Variants in PCDHGB3 observed in about 807,000 individuals in gnomAD.
The protein encoded by PCDHGB3 is protocadherin gamma-B3.
PCDHGB3 carries 40 observed loss-of-function variants against 59.2 expected under a neutral mutation model. The ratio of observed to expected loss-of-function variants is 0.68; its 90% CI spans 0.52 to 0.88. The LOEUF (loss-of-function observed/expected upper bound fraction) is 0.88, where lower values mean the gene tolerates loss of function less well. PCDHGB3 is among the 40% of genes least tolerant of loss of function. PCDHGB3 has a pLI of 0.00. For synonymous variants in PCDHGB3, 581 were observed against 503.6 expected (o/e 1.15, Z -2.06); for missense variants, 1,309 against 1,187.9 (o/e 1.10, Z -1.50).
chr5:141,400,281 C>G, intron 1 of PCDHGB3: 5 of 1,614,016 alleles, frequency 3.1e-6, no homozygotes, highest in Non-Finnish European at 4.2e-6. Context: ...CCAGCCCTGC[C>G]GCCTGGAGCT....
chr5:141,423,562 A>C (rs374427537), intron 1 of PCDHGB3: 1 of 1,613,612 alleles, frequency 6.2e-7, no homozygotes, highest in African/African-American at 1.3e-5. Context: ...CTATGGGGAC[A>C]CGCTCATCAG....
In PCDHGB3 at chr5:141,490,701, C is replaced by T; in HGVS notation, c.2416-4106C>T. On this transcript the variant is annotated intron_variant, in intron 1 of 3. Transcript: ENST00000576222. This position sits in a 1 kb window ranked among gnomAD's most constrained non-coding sequence, Gnocchi z 5.4. Reference sequence around the variant, plus strand: ...CAGATCCAGACACTGGGGATAATGCCCGCCTCACCTACTCCATTGTAGGAA... The same window carrying T: ...CAGATCCAGACACTGGGGATAATGCTCGCCTCACCTACTCCATTGTAGGAA... The T allele has an allele frequency of 6.2e-7, 1 of 1,614,184 alleles. No individual in the cohort carries two copies. The highest frequency in any genetic ancestry group is 8.5e-7 in the Non-Finnish European group (1 of 1,180,008).
Position 141,491,543 on chromosome 5 carries a change from A to G in PCDHGB3, c.2416-3264A>G. 6.2e-7 allele frequency: 1 copy of G among 1,613,842 alleles called. No individual in the cohort carries two copies. The highest frequency in any genetic ancestry group is 8.5e-7 in the Non-Finnish European group (1 of 1,179,982). ...ATGGAGGTGACGCTGCGGCCCACAG[A>G]CTCGCAGAGCCACTGCTACAGGACG... On this transcript the variant is annotated intron_variant, in intron 1 of 3. Coordinates refer to ENST00000576222, the MANE Select transcript of PCDHGB3 (RefSeq NM_018924.5). The surrounding 1 kb of genome is among the most constrained non-coding windows in gnomAD (Gnocchi z 6.9).
chr5:141,433,587 G>A (rs1228017153), intron 1 of PCDHGB3, among the ~76,000 whole-genome samples: 1 of 152,068 alleles, frequency 6.6e-6, no homozygotes, highest in African/African-American at 2.4e-5. Flanking sequence ...TGTAATCCCA[G>A]TACTTTGGGA....
At chr5:141,471,571 A>G (rs1417147609) in intron 1 of PCDHGB3, 1 of 152,224 alleles carries the variant, frequency 6.6e-6, no homozygotes, top group African/African-American at 2.4e-5. Context: ...GGGTAGCAGT[A>G]GATAGGGTAA....
intron 1 of PCDHGB3, among the ~76,000 whole-genome samples, chr5:141,446,536 GC>G (rs1043723006): frequency 2.0e-5 from 3 of 152,012 alleles, no homozygotes; most frequent in African/African-American, 7.2e-5. Context: ...GAGTGCAGTG[GC>G]CCTATCTCTG....
intron 1 of PCDHGB3, chr5:141,404,552 G>A: frequency 6.2e-7 from 1 of 1,613,826 alleles, no homozygotes; most frequent in Non-Finnish European, 8.5e-7. Context: ...GCAGGTGACG[G>A]CAAGTGACAG....
intron 1 of PCDHGB3, chr5:141,427,942 T>C (rs1561832592): frequency 6.3e-7 from 1 of 1,586,106 alleles, no homozygotes; most frequent in Non-Finnish European, 8.6e-7. Context: ...GTGGGCGACC[T>C]CAATGACAAT....
intron 1 of PCDHGB3, chr5:141,407,886 A>G (rs1390921977): frequency 2.6e-6 from 1 of 384,594 alleles, no homozygotes; most frequent in Non-Finnish European, 4.6e-6. Context: ...CATTTCGGAG[A>G]CCGAATTCAA....
chr5:141,456,020 C>T (rs2098840631), intron 1 of PCDHGB3, among the ~76,000 whole-genome samples: 1 of 151,834 alleles, frequency 6.6e-6, no homozygotes, highest in South Asian at 2.1e-4. Flanking sequence ...GCCTCAGCCT[C>T]CCGAGTAGCT....
chr5:141,412,930 C>A, intron 1 of PCDHGB3: 1 of 451,594 alleles, frequency 2.2e-6, no homozygotes, highest in Non-Finnish European at 3.9e-6. Context: ...GCAGTAACTT[C>A]TTAGGACTCT....
intron 1 of PCDHGB3, chr5:141,404,461 C>T: frequency 1.2e-6 from 2 of 1,613,208 alleles, no homozygotes; most frequent in Non-Finnish European, 1.7e-6. Flanking sequence ...CTCTCTCCAC[C>T]TATGTCTCTA....
In PCDHGB3 at chr5:141,371,914, T is replaced by C. The variant is rs1768185765; in HGVS notation, c.1520T>C (p.Val507Ala). 6.2e-7 allele frequency: 1 copy of C among 1,613,262 alleles called. No individual in the cohort carries two copies. Among genetic ancestry groups the C allele is most frequent in the Admixed American group, 1.7e-5 (1 of 60,014 alleles). ...CGGGAGCTGTCGTCCTACGTGTCCG[T>C]GAGCGCGCGGAGCGGGGTGGTGTTC... ...EPRELSSYVS[V>A]SARSGVVFAQ... Residue 507 changes from valine to alanine, a missense_variant, in exon 1 of 4, where the codon GTG becomes GCG. Transcript: ENST00000576222.
At chr5:141,427,693 C>G in intron 1 of PCDHGB3, 1 of 909,726 alleles carries the variant, frequency 1.1e-6, no homozygotes, top group Non-Finnish European at 1.8e-6. Flanking sequence ...GCCTCCATCC[C>G]ACAAGTCAGC....
In PCDHGB3 at chr5:141,489,504, A is replaced by G. The variant is rs148241772; in HGVS notation, c.2416-5303A>G. 193 of 1,614,016 alleles carry G rather than the reference A, an allele frequency of 1.2e-4. No individual in the cohort carries two copies. Among genetic ancestry groups the G allele is most frequent in the Non-Finnish European group, 1.6e-4 (184 of 1,180,046 alleles). On this transcript the variant is annotated intron_variant, in intron 1 of 3. Transcript: ENST00000576222. The surrounding 1 kb of genome is among the most constrained non-coding windows in gnomAD (Gnocchi z 4.5). ...TGAGTGGTGCCCTGGCAGTGAATCA[A>G]AAGATTGACCGAGAAAGCCTATGTG...
At chr5:141,385,189 C>T (rs368141492) in intron 1 of PCDHGB3, 2 of 1,614,222 alleles carry the variant, frequency 1.2e-6, no homozygotes, top group Non-Finnish European at 1.7e-6. Context: ...CGCGGACTCT[C>T]GGAAGAGTCA....
chr5:141,419,569 C>T (rs1200109635), intron 1 of PCDHGB3: 3 of 1,611,654 alleles, frequency 1.9e-6, no homozygotes, highest in East Asian at 2.2e-5. Context: ...TGGGTCCCGA[C>T]GGCTCCGCGC....
intron 1 of PCDHGB3, chr5:141,414,717 C>T: frequency 6.2e-7 from 1 of 1,614,152 alleles, no homozygotes; most frequent in Non-Finnish European, 8.5e-7. Flanking sequence ...TCAACTCAGA[C>T]ACTGGCGTCC....
chr5:141,478,100 C>T, intron 1 of PCDHGB3: 1 of 1,614,124 alleles, frequency 6.2e-7, no homozygotes, highest in Non-Finnish European at 8.5e-7. Context: ...CACTGCTACC[C>T]TCACTGTGTC....
Sources: allele counts gnomAD v4.1 joint callset (sites outside exome capture counted in the v4.1 genomes callset), GRCh38; gene constraint gnomAD v4.1.1; non-coding constraint Gnocchi (gnomAD v3.1); transcripts MANE v1.5; gene names NCBI Gene and HGNC (gene_info 2026-07-23, HGNC 2026-07-21).